The following PXDNL variants were observed in gnomAD, a reference collection of about 807,000 sequenced individuals.
PXDNL encodes probable oxidoreductase PXDNL.
A neutral mutation model predicts 150.8 loss-of-function variants in PXDNL; 145 were observed. The ratio of observed to expected loss-of-function variants is 0.96; its 90% CI spans 0.84 to 1.10. The LOEUF (loss-of-function observed/expected upper bound fraction) is 1.10, where lower values mean the gene tolerates loss of function less well. Ranked by LOEUF, PXDNL falls within the 50% of genes least tolerant of loss-of-function variation. The pLI is 0.00. For synonymous variants in PXDNL, 757 were observed against 725.7 expected (o/e 1.04, Z -0.69); for missense variants, 2,087 against 1,873.9 (o/e 1.11, Z -2.10).
At chr8:51,411,638 A>C (rs983330692) in intron 15 of PXDNL, among the ~76,000 whole-genome samples, 1 of 152,170 alleles carries the variant, frequency 6.6e-6, no homozygotes, top group Non-Finnish European at 1.5e-5. Context: ...TTTTTAATGA[A>C]TGGATGATTT....
intron 1 of PXDNL, among the ~76,000 whole-genome samples, chr8:51,794,531 C>T (rs1015340942): frequency 6.6e-6 from 1 of 152,048 alleles, no homozygotes; most frequent in Non-Finnish European, 1.5e-5. Context: ...AAAAGAATTT[C>T]CAACCCAGAA....
intron 20 of PXDNL, among the ~76,000 whole-genome samples, chr8:51,344,935 G>C (rs1455388227): frequency 1.3e-5 from 2 of 152,154 alleles, no homozygotes; most frequent in East Asian, 1.9e-4. Flanking sequence ...CACACTTCTT[G>C]TCCAACAACA....
chr8:51,398,205 C>T (rs374520884), intron 17 of PXDNL, among the ~76,000 whole-genome samples: 50 of 152,324 alleles, frequency 3.3e-4, no homozygotes, highest in African/African-American at 5.0e-4. Flanking sequence ...AGTTTCCCTT[C>T]GGGAGAAATC....
At chr8:51,597,187 C>T (rs1424260555) in intron 2 of PXDNL, among the ~76,000 whole-genome samples, 1 of 152,076 alleles carries the variant, frequency 6.6e-6, no homozygotes, top group East Asian at 1.9e-4. Context: ...TTGTTTATGT[C>T]GACTTCATCA....
intron 1 of PXDNL, among the ~76,000 whole-genome samples, chr8:51,732,860 T>A (rs1816960189): frequency 6.6e-6 from 1 of 152,086 alleles, no homozygotes; most frequent in Non-Finnish European, 1.5e-5. Flanking sequence ...TTTAATTACC[T>A]CCCACTAGGT....
intron 3 of PXDNL, among the ~76,000 whole-genome samples, chr8:51,560,381 A>G (rs1349900916): frequency 6.6e-6 from 1 of 152,050 alleles, no homozygotes; most frequent in Non-Finnish European, 1.5e-5. Context: ...AAAGAATAAC[A>G]TAGTTGAAGA....
At chr8:51,642,040 G>C (rs1357288518) in intron 2 of PXDNL, among the ~76,000 whole-genome samples, 1 of 151,934 alleles carries the variant, frequency 6.6e-6, no homozygotes, top group African/African-American at 2.4e-5. Flanking sequence ...AAAAGGATGA[G>C]TTCATGTCCT....
At chr8:51,641,416 C>T (rs189770335) in intron 2 of PXDNL, among the ~76,000 whole-genome samples, 16,400 of 149,668 alleles carry the variant, frequency 0.11, 1,485 homozygotes, top group African/African-American at 0.23. Context: ...AGTGAACAGG[C>T]AACCTAAAAA....
rs189624038 is a variant in PXDNL at position 51,517,225 on chromosome 8, C to A, written c.381-17455G>T. ...TCTGATTTCATTGGGCTGGGTGATA[C>A]CCAGGCAGTGTTATTTTTCAGAAAT... On this transcript the variant is annotated intron_variant, in intron 4 of 22. Coordinates refer to ENST00000356297, the MANE Select transcript of PXDNL (RefSeq NM_144651.5). Among the ~76,000 whole-genome samples the A allele has an allele frequency of 1.5e-3, 227 of 152,116 alleles. 2 individuals are homozygous for A. Among genetic ancestry groups the A allele is most frequent in the South Asian group, 0.014 (65 of 4,812 alleles).
At chr8:51,378,769 G>A (rs1419712878) in intron 17 of PXDNL, among the ~76,000 whole-genome samples, 1 of 149,432 alleles carries the variant, frequency 6.7e-6, no homozygotes, top group Non-Finnish European at 1.5e-5. Context: ...CTTAAGAGCT[G>A]TAACACTCAC....
intron 1 of PXDNL, among the ~76,000 whole-genome samples, chr8:51,772,237 TACACACACACAC>T (rs139112734): frequency 7.7e-6 from 1 of 130,342 alleles, no homozygotes; most frequent in East Asian, 2.4e-4. Flanking sequence ...TCTCTCTATA[TACACACACACAC>T]ACACACACAC....
intron 5 of PXDNL, among the ~76,000 whole-genome samples, chr8:51,494,959 C>T (rs1217998851): frequency 6.6e-6 from 1 of 152,100 alleles, no homozygotes; most frequent in Non-Finnish European, 1.5e-5. Flanking sequence ...CTCTCCACCC[C>T]AAATCAACAG....
chr8:51,407,230 T>G (rs952401694), intron 17 of PXDNL, among the ~76,000 whole-genome samples: 1 of 152,212 alleles, frequency 6.6e-6, no homozygotes, highest in Admixed American at 6.5e-5. Context: ...TTTTCACAGT[T>G]TGAGATTCCA....
intron 12 of PXDNL, among the ~76,000 whole-genome samples, chr8:51,443,530 A>C (rs1586111047): frequency 6.6e-6 from 1 of 152,176 alleles, no homozygotes; most frequent in Admixed American, 6.5e-5. Flanking sequence ...CATGGCTTAC[A>C]TGTAGCTATG....
intron 9 of PXDNL, among the ~76,000 whole-genome samples, chr8:51,455,327 G>A (rs928286138): frequency 6.6e-6 from 1 of 152,050 alleles, no homozygotes; most frequent in African/African-American, 2.4e-5. Context: ...GATACCAATA[G>A]AGATAGCAAA....
rs376565036 is a variant in PXDNL at position 51,378,756 on chromosome 8, G to C, written c.3558-4025C>G. Among the ~76,000 whole-genome samples, 5 of 149,362 alleles carry C rather than the reference G, an allele frequency of 3.3e-5. No homozygotes were observed. The East Asian group carries it at 7.7e-4, about 23-fold the overall frequency. On this transcript the variant is annotated intron_variant, in intron 17 of 22. Transcript: ENST00000356297. ...GAGGAACGAACAACTCCACACGTGC[G>C]GCCTTAAGAGCTGTAACACTCACTG... is the stretch of plus-strand genomic sequence containing the variant.
intron 4 of PXDNL, among the ~76,000 whole-genome samples, chr8:51,515,820 T>C (rs1188568269): frequency 6.6e-6 from 1 of 152,250 alleles, no homozygotes; most frequent in East Asian, 1.9e-4. Context: ...GCACAGACTG[T>C]CACAATAATT....
intron 4 of PXDNL, among the ~76,000 whole-genome samples, chr8:51,508,740 T>C (rs571410394): frequency 9.2e-5 from 14 of 152,272 alleles, no homozygotes; most frequent in Non-Finnish European, 1.6e-4. Context: ...TGGAGACCCA[T>C]GCCCTACTGC....
At chr8:51,413,027 T>C (rs1426141392) in intron 15 of PXDNL, 123 bp downstream of exon 15, 8 of 624,916 alleles carry the variant, frequency 1.3e-5, no homozygotes, top group Non-Finnish European at 2.3e-5. Flanking sequence ...TGGGGATGCA[T>C]ACACAAGGAC....
Sources: gnomAD v4.1 joint callset for allele counts (sites outside exome capture counted in the v4.1 genomes callset) on GRCh38, gnomAD v4.1.1 for gene constraint, MANE v1.5 for transcripts, NCBI Gene and HGNC (gene_info 2026-07-23, HGNC 2026-07-21) for gene names.